Variants in PPM1H observed in about 807,000 individuals in gnomAD.
The protein encoded by PPM1H is protein phosphatase, Mg2+/Mn2+ dependent 1H.
Under a neutral mutation model 54.9 loss-of-function variants are expected in PPM1H, and 27 were observed. The ratio of observed to expected loss-of-function variants is 0.49; its 90% CI spans 0.36 to 0.68. The LOEUF (loss-of-function observed/expected upper bound fraction) is 0.68. PPM1H is among the 30% of genes least tolerant of loss of function. The probability of loss-of-function intolerance (pLI) is 0.00; values close to 1 mark genes in which losing one functional copy is unlikely to be tolerated. For missense variants in PPM1H, 596 were observed against 667.8 expected (o/e 0.89, Z 1.19); for synonymous variants, 305 against 270.8 (o/e 1.13, Z -1.24).
At chr12:62,687,970 C>G (rs2076062762) in intron 8 of PPM1H, among the ~76,000 whole-genome samples, 1 of 143,958 alleles carries the variant, frequency 6.9e-6, no homozygotes, top group Non-Finnish European at 1.5e-5. Flanking sequence ...CATTGCACCA[C>G]TGCACTCCAG....
At chr12:62,732,390 C>G (rs965419775) in intron 5 of PPM1H, among the ~76,000 whole-genome samples, 1 of 152,158 alleles carries the variant, frequency 6.6e-6, no homozygotes, top group Non-Finnish European at 1.5e-5. Context: ...CCAGACTGTG[C>G]ATACCAAGAA....
intron 8 of PPM1H, among the ~76,000 whole-genome samples, chr12:62,670,200 C>A (rs1299264841): frequency 6.6e-6 from 1 of 151,926 alleles, no homozygotes; most frequent in Non-Finnish European, 1.5e-5. Flanking sequence ...TGGTCTCGAA[C>A]TCCCGACCTC....
intron 9 of PPM1H, among the ~76,000 whole-genome samples, chr12:62,653,173 G>C (rs534981218): frequency 1.3e-4 from 20 of 152,240 alleles, no homozygotes; most frequent in African/African-American, 4.1e-4. Flanking sequence ...TTGCTGATAT[G>C]AAGTACCACT....
chr12:62,918,006 A>G (rs772572), intron 1 of PPM1H, among the ~76,000 whole-genome samples: 37,645 of 152,164 alleles, frequency 0.25, 4,947 homozygotes, highest in East Asian at 0.31. Flanking sequence ...TTAATTTGTA[A>G]TGTATACAAA....
chr12:62,863,374 T>C (rs1205682541), intron 1 of PPM1H, among the ~76,000 whole-genome samples: 2 of 152,186 alleles, frequency 1.3e-5, no homozygotes, highest in African/African-American at 2.4e-5. Context: ...CCACACCCCA[T>C]TATTCACAAA....
chr12:62,876,133 G>C (rs902855903), intron 1 of PPM1H, among the ~76,000 whole-genome samples: 2 of 152,152 alleles, frequency 1.3e-5, no homozygotes, highest in African/African-American at 4.8e-5. Context: ...ACCAAATCAG[G>C]ATCTGATAAT....
At chr12:62,709,565 ATCT>A (rs972257458) in intron 6 of PPM1H, among the ~76,000 whole-genome samples, 1 of 152,086 alleles carries the variant, frequency 6.6e-6, no homozygotes, top group African/African-American at 2.4e-5. Flanking sequence ...GGTTCAAACA[ATCT>A]TCTCCAGGAA....
intron 8 of PPM1H, among the ~76,000 whole-genome samples, chr12:62,678,088 A>G (rs1484066671): frequency 6.6e-6 from 1 of 152,174 alleles, no homozygotes; most frequent in African/African-American, 2.4e-5. Context: ...CTGGTACCAC[A>G]GGTGCACACT....
chr12:62,780,358 T>C (rs1592595435), intron 4 of PPM1H, among the ~76,000 whole-genome samples: 3 of 152,346 alleles, frequency 2.0e-5, no homozygotes, highest in East Asian at 1.9e-4. Context: ...CTAGAATGCA[T>C]TGGTGCAATC....
At chr12:62,730,706 A>G (rs2076316564) in intron 5 of PPM1H, among the ~76,000 whole-genome samples, 2 of 152,104 alleles carry the variant, frequency 1.3e-5, no homozygotes, top group Admixed American at 6.5e-5. Flanking sequence ...AGAAGGGGAA[A>G]ATCTCCTCAG....
chr12:62,891,392 T>C (rs1870792118), intron 1 of PPM1H, among the ~76,000 whole-genome samples: 1 of 152,216 alleles, frequency 6.6e-6, no homozygotes, highest in Non-Finnish European at 1.5e-5. Context: ...AATGCTTTCT[T>C]TTCATTTACA....
chr12:62,794,117 G>C (rs2120723009), intron 3 of PPM1H, among the ~76,000 whole-genome samples: 1 of 152,276 alleles, frequency 6.6e-6, no homozygotes, highest in Middle Eastern at 3.4e-3. Flanking sequence ...TGCCAGCCAG[G>C]CAATGGGGAA....
intron 9 of PPM1H, among the ~76,000 whole-genome samples, chr12:62,655,010 G>A (rs941728696): frequency 3.9e-5 from 6 of 152,200 alleles, no homozygotes; most frequent in Non-Finnish European, 7.3e-5. Flanking sequence ...AGCAGTGTGC[G>A]TGGACAACTG....
At chr12:62,788,399 C>T in intron 3 of PPM1H, 61 bp from the exon 4 acceptor site, 1 of 1,038,512 alleles carries the variant, frequency 9.6e-7, no homozygotes, top group Non-Finnish European at 1.5e-6. Flanking sequence ...AGCTTTCTCA[C>T]TTTCATTCTC....
At chr12:62,823,054 A>G (rs2076914172) in intron 2 of PPM1H, among the ~76,000 whole-genome samples, 1 of 152,240 alleles carries the variant, frequency 6.6e-6, no homozygotes, top group Non-Finnish European at 1.5e-5. Flanking sequence ...AAAAAATGAT[A>G]AAGGGGATAT....
chr12:62,726,723 C>T (rs1236421314), intron 5 of PPM1H, among the ~76,000 whole-genome samples: 1 of 152,154 alleles, frequency 6.6e-6, no homozygotes. Context: ...TTAGGGCCTG[C>T]CCAGAATTCA....
chr12:62,767,870 C>T (rs1265335964), intron 4 of PPM1H, among the ~76,000 whole-genome samples: 1 of 152,212 alleles, frequency 6.6e-6, no homozygotes, highest in East Asian at 1.9e-4. Flanking sequence ...CTTAACCCGT[C>T]TCTACCTCCA....
chr12:62,812,008 G>A (rs1484228636), intron 2 of PPM1H, among the ~76,000 whole-genome samples: 2 of 152,168 alleles, frequency 1.3e-5, no homozygotes, highest in Admixed American at 6.5e-5. Context: ...TAACTCTGCT[G>A]GTATGTGGCA....
chr12:62,672,763 A>G (rs1002314072), intron 8 of PPM1H, among the ~76,000 whole-genome samples: 3 of 152,242 alleles, frequency 2.0e-5, no homozygotes, highest in Non-Finnish European at 2.9e-5. Context: ...CCAGCTTACA[A>G]TGAACACCCA....
Sources: gnomAD v4.1 joint callset for allele counts (sites outside exome capture counted in the v4.1 genomes callset) on GRCh38, gnomAD v4.1.1 for gene constraint, MANE v1.5 for transcripts, NCBI Gene and HGNC (gene_info 2026-07-23, HGNC 2026-07-21) for gene names.